The following DENND4A variants were observed in gnomAD, a reference collection of about 807,000 sequenced individuals.
The protein encoded by DENND4A is C-myc promoter-binding protein.
A neutral mutation model predicts 199.3 loss-of-function variants in DENND4A; 70 were observed. The ratio of observed to expected loss-of-function variants is 0.35; its 90% CI spans 0.29 to 0.43. DENND4A has a LOEUF of 0.43. DENND4A is among the 20% of genes least tolerant of loss of function. The pLI is 1.00. For missense variants in DENND4A, 1,723 were observed against 2,255.8 expected (o/e 0.76, Z 4.78); for synonymous variants, 686 against 766.9 (o/e 0.89, Z 1.74).
At chr15:65,731,612 A>G in intron 9 of DENND4A, 30 bp downstream of exon 9, 1 of 1,473,170 alleles carries the variant, frequency 6.8e-7, no homozygotes, top group Admixed American at 2.2e-5. Flanking sequence ...AGATTGAGAG[A>G]AAAATAAATA....
In DENND4A at chr15:65,659,309, T is replaced by C. The variant is rs1361723015; in HGVS notation, c.*2542A>G. 1.3e-5 allele frequency: 2 copies of C among 149,086 alleles called. No individual in the cohort carries two copies. The highest frequency in any genetic ancestry group is 5.0e-5 in the African/African-American group (2 of 40,118). The allele number at this position is 149,086 out of a possible 1,614,324, so 9.2% of individuals were successfully genotyped here. On this transcript the variant is annotated 3_prime_UTR_variant, in exon 33 of 33. Transcript: ENST00000443035. ...GTTTGTATAGAGTTATTTTAAATGA[T>C]TGATATTTTCTGGTTTTTTTTTTTT...
In DENND4A at chr15:65,702,356, T is replaced by C; in HGVS notation, c.2379A>G (p.Ala793=). The C allele has an allele frequency of 6.4e-7, 1 of 1,553,494 alleles. No homozygotes were observed. The highest frequency in any genetic ancestry group is 1.4e-5 in the African/African-American group (1 of 73,212). Residue 793 remains alanine (A), a synonymous_variant, in exon 17 of 33, where the codon GCA becomes GCG. Transcript: ENST00000443035. ...CHSKVRALKT[A]YDVLKKMQSK... ...ACTGCATTTTTTTAAGCACATCATA[T>C]GCTGTTTTCAGAGCCCTGACTTTTG...
At chr15:65,697,934 T>G (rs1040574695) in intron 20 of DENND4A, among the ~76,000 whole-genome samples, 6 of 152,038 alleles carry the variant, frequency 3.9e-5, no homozygotes, top group African/African-American at 1.4e-4. Flanking sequence ...GAGATAAAAA[T>G]CTAGTGTTGA....
chr15:65,773,365 C>T (rs1163375038), intron 1 of DENND4A, among the ~76,000 whole-genome samples: 2 of 152,088 alleles, frequency 1.3e-5, no homozygotes, highest in Admixed American at 6.6e-5. Flanking sequence ...GAGACATGAC[C>T]CTGCCTTACA....
At chr15:65,776,632 A>G (rs2077291395) in intron 1 of DENND4A, among the ~76,000 whole-genome samples, 1 of 152,228 alleles carries the variant, frequency 6.6e-6, no homozygotes, top group Admixed American at 6.5e-5. Context: ...CCTGAAAGCC[A>G]TGTTTTATGA....
intron 12 of DENND4A, among the ~76,000 whole-genome samples, chr15:65,721,302 T>C (rs2075634091): frequency 6.6e-6 from 1 of 152,078 alleles, no homozygotes. Flanking sequence ...ACTTATGAGC[T>C]ACTTTGGAAT....
chr15:65,721,230 A>T (rs2075630174), intron 12 of DENND4A, among the ~76,000 whole-genome samples: 2 of 151,956 alleles, frequency 1.3e-5, no homozygotes, highest in Non-Finnish European at 2.9e-5. Context: ...TACATGCATG[A>T]TTTATTTGTT....
At position 65,664,653 on chromosome 15, in the gene DENND4A, C is replaced by T; in HGVS notation, c.5429G>A (p.Ser1810Asn). 6.2e-7 allele frequency: 1 copy of T among 1,612,884 alleles called. No homozygotes were observed. The highest frequency in any genetic ancestry group is 8.5e-7 in the Non-Finnish European group (1 of 1,179,162). The change falls in exon 31 of 33, where the codon AGT becomes AAT. Residue 1810 changes from serine (S) to asparagine (N), a missense_variant. This residue lies in a region of DENND4A where 164 missense variants were observed against 280.1 expected (regional missense o/e 0.59). Coordinates refer to ENST00000443035, the MANE Select transcript of DENND4A (RefSeq NM_001320835.1). ...DNSFNQELLK[S>N]MVKSIKMNDV... is the part of the protein sequence containing the mutation. The stretch of plus-strand genomic sequence containing the variant: ...ATTCATTTTAATGCTTTTTACCATA[C>T]TTTTCAACAGTTCCTGGTTAAATGA...
rs907431170 is a variant in DENND4A at position 65,736,575 on chromosome 15, G to C, written c.1040+1132C>G. ...GCCACCACACCTGCCCAGACCAATAGATTTTAATGTAACTGACAAAGTTCA... is the reference window on the plus strand; with the variant it reads ...GCCACCACACCTGCCCAGACCAATACATTTTAATGTAACTGACAAAGTTCA... On this transcript the variant is annotated intron_variant, in intron 7 of 32. Coordinates refer to ENST00000443035, the MANE Select transcript of DENND4A (RefSeq NM_001320835.1). Among the ~76,000 whole-genome samples the C allele has an allele frequency of 4.6e-5, 7 of 151,982 alleles. No individual in the cohort carries two copies. In the East Asian group the frequency reaches 9.7e-4, roughly 21 times the overall value.
At chr15:65,759,418 C>T (rs1331049058) in intron 2 of DENND4A, among the ~76,000 whole-genome samples, 9 of 151,930 alleles carry the variant, frequency 5.9e-5, no homozygotes, top group African/African-American at 2.2e-4. Flanking sequence ...GCGGAGGTTG[C>T]AGTGAGACAA....
At chr15:65,706,356 G>GTTC in intron 14 of DENND4A, 132 bp from the exon 15 acceptor site, 1 of 879,602 alleles carries the variant, frequency 1.1e-6, no homozygotes, top group Non-Finnish European at 1.6e-6. Context: ...GAGTGAGCAA[G>GTTC]TTCTCTATGA....
At chr15:65,781,917 G>A (rs2077445229) in intron 1 of DENND4A, among the ~76,000 whole-genome samples, 1 of 152,208 alleles carries the variant, frequency 6.6e-6, no homozygotes. Flanking sequence ...CATAGTGGAA[G>A]TAATGGGACA....
chr15:65,691,520 C>G lies in DENND4A; in HGVS notation c.3083-9G>C. 6.5e-7 allele frequency: 1 copy of G among 1,550,280 alleles called. No homozygotes were observed. Among genetic ancestry groups the G allele is most frequent in the Non-Finnish European group, 8.7e-7 (1 of 1,147,348 alleles). On this transcript the variant is annotated splice_polypyrimidine_tract_variant and intron_variant, in intron 22 of 32. Transcript: ENST00000443035. ...CAGCTCAGGTGTGCTTTCTGAAAAA[C>G]AAGTAAAGTGCTTTTAGCCATGAAA...
chr15:65,789,101 T>A (rs772293476), intron 1 of DENND4A, among the ~76,000 whole-genome samples: 1 of 152,206 alleles, frequency 6.6e-6, no homozygotes, highest in Non-Finnish European at 1.5e-5. Context: ...ATCCACCATA[T>A]AGATTATCAT....
intron 20 of DENND4A, among the ~76,000 whole-genome samples, chr15:65,698,980 T>A (rs533000027): frequency 4.7e-4 from 71 of 152,198 alleles, no homozygotes; most frequent in African/African-American, 1.7e-3. Context: ...TCAAGTGACC[T>A]GCCTGCCTTG....
intron 9 of DENND4A, chr15:65,731,270 T>G (rs1460662727): frequency 3.2e-6 from 1 of 314,636 alleles, no homozygotes; most frequent in Non-Finnish European, 6.3e-6. Context: ...ATTTTTTTTC[T>G]TTTGGGTAAA....
In DENND4A at chr15:65,686,228, G is replaced by GT. The variant is rs2076775275; in HGVS notation, c.4179+4186dup. On this transcript the variant is annotated intron_variant, in intron 23 of 32. Transcript: ENST00000443035. ...GTAATGTTCTGTAACTCTTTACAAT[G>GT]TACTTTGATTTGGATCCTTTTCAAT... Among the ~76,000 whole-genome samples, 7 of 152,254 alleles carry GT rather than the reference G, an allele frequency of 4.6e-5. No homozygotes were observed. In the South Asian group the frequency reaches 1.5e-3, roughly 32 times the overall value.
chr15:65,779,472 A>C (rs1248394069), intron 1 of DENND4A, among the ~76,000 whole-genome samples: 3 of 151,746 alleles, frequency 2.0e-5, no homozygotes, highest in Non-Finnish European at 4.4e-5. Context: ...AAGAGAAGGA[A>C]AAAAAAGCTG....
At chr15:65,683,156 G>A (rs532941802) in intron 23 of DENND4A, among the ~76,000 whole-genome samples, 1 of 152,310 alleles carries the variant, frequency 6.6e-6, no homozygotes, top group African/African-American at 2.4e-5. Context: ...TAAAAAGCAT[G>A]ACATTTGTGT....
Sources: allele counts gnomAD v4.1 joint callset (sites outside exome capture counted in the v4.1 genomes callset), GRCh38; gene constraint gnomAD v4.1.1; regional missense constraint gnomAD v4.1.1; transcripts MANE v1.5; gene names NCBI Gene and HGNC (gene_info 2026-07-23, HGNC 2026-07-21).